Variants in MEGF6 observed in about 807,000 individuals in gnomAD.
MEGF6 encodes multiple EGF like domains 6.
Under a neutral mutation model 207.1 loss-of-function variants are expected in MEGF6, and 184 were observed. The observed-to-expected ratio is 0.89, with a 90% confidence interval of 0.79 to 1.00. The LOEUF is 1.00. Among genes scored for constraint, MEGF6 ranks in the 50% least tolerant of loss-of-function variants. The pLI, the probability that MEGF6 is intolerant of heterozygous loss-of-function variation, is 0.00. For missense variants in MEGF6, 2,282 were observed against 2,202.9 expected (o/e 1.04, Z -0.72); for synonymous variants, 1,038 against 910.0 (o/e 1.14, Z -2.53).
At chr1:3,578,477 G>C (rs1367248406) in intron 4 of MEGF6, among the ~76,000 whole-genome samples, 1 of 152,170 alleles carries the variant, frequency 6.6e-6, no homozygotes, top group Admixed American at 6.5e-5. Flanking sequence ...GGGACCACAG[G>C]GAGGCCTGGC....
intron 2 of MEGF6, among the ~76,000 whole-genome samples, chr1:3,600,444 C>A (rs754509366): frequency 6.6e-6 from 1 of 152,120 alleles, no homozygotes; most frequent in Non-Finnish European, 1.5e-5. Flanking sequence ...GGGTTAGGGA[C>A]GGGGACTCCT....
intron 35 of MEGF6, among the ~76,000 whole-genome samples, chr1:3,491,486 G>C (rs1006570960): frequency 6.6e-6 from 1 of 151,900 alleles, no homozygotes. Flanking sequence ...CCGCTCCACC[G>C]AGATGGGGGC....
chr1:3,544,201 C>G (rs183560694), intron 4 of MEGF6, among the ~76,000 whole-genome samples: 3 of 149,588 alleles, frequency 2.0e-5, no homozygotes, highest in Non-Finnish European at 4.4e-5. Context: ...CCTCTCCCCC[C>G]AGCGTCGCAG....
intron 3 of MEGF6, among the ~76,000 whole-genome samples, chr1:3,583,186 G>C (rs997108020): frequency 6.6e-6 from 1 of 152,122 alleles, no homozygotes; most frequent in South Asian, 2.1e-4. Context: ...GCAAAGCTGC[G>C]CTCCAAACCG....
intron 4 of MEGF6, among the ~76,000 whole-genome samples, chr1:3,552,792 C>T (rs1642926275): frequency 6.6e-6 from 1 of 152,204 alleles, no homozygotes; most frequent in Non-Finnish European, 1.5e-5. Context: ...TGTGCTCACC[C>T]ACCGGGCCCA....
chr1:3,491,627 A>T (rs537543777), intron 35 of MEGF6, among the ~76,000 whole-genome samples: 18 of 152,038 alleles, frequency 1.2e-4, no homozygotes, highest in African/African-American at 3.4e-4. Flanking sequence ...TGAAATCCCC[A>T]GTTAGCCAAA....
chr1:3,614,845 C>T (rs1369850611), upstream of MEGF6, among the ~76,000 whole-genome samples: 3 of 152,256 alleles, frequency 2.0e-5, no homozygotes, highest in African/African-American at 7.2e-5. Context: ...CAGCCCAGCT[C>T]CTTCCACTGA....
chr1:3,523,867 A>T (rs560928067), intron 5 of MEGF6, among the ~76,000 whole-genome samples: 20 of 152,326 alleles, frequency 1.3e-4, no homozygotes, highest in African/African-American at 4.8e-4. Flanking sequence ...AGCGGGGCTT[A>T]GTGTGGCTGC....
intron 4 of MEGF6, among the ~76,000 whole-genome samples, chr1:3,579,454 T>G (rs1643738455): frequency 6.6e-6 from 1 of 152,184 alleles, no homozygotes; most frequent in South Asian, 2.1e-4. Flanking sequence ...CTTTTAACAC[T>G]GAGGACAACG....
rs553934314 is a variant in MEGF6, at chr1:3,565,378, T to G, written c.481+14447A>C. ...TAGCTGGACCTTAAAACCCCCCGGGTCCTGGTGCCTGCTCTGGCCTCTCAA... is the reference window on the plus strand; with the variant it reads ...TAGCTGGACCTTAAAACCCCCCGGGGCCTGGTGCCTGCTCTGGCCTCTCAA... On this transcript the variant is annotated intron_variant, in intron 4 of 36. Coordinates refer to ENST00000356575, the MANE Select transcript of MEGF6 (RefSeq NM_001409.4). This position sits in a 1 kb window ranked among gnomAD's most constrained non-coding sequence, Gnocchi z 4.8. 4.1e-4 allele frequency among the ~76,000 whole-genome samples: 62 copies of G among 151,682 alleles called. No individual in the cohort carries two copies. In the South Asian group the frequency reaches 0.011, roughly 26 times the overall value.
intron 2 of MEGF6, 150 bp downstream of exon 2, chr1:3,602,316 C>T: frequency 8.3e-7 from 1 of 1,208,026 alleles, no homozygotes; most frequent in Non-Finnish European, 1.1e-6. Flanking sequence ...GTGGGAGAGG[C>T]CTCATGCTCA....
intron 4 of MEGF6, among the ~76,000 whole-genome samples, chr1:3,527,377 G>C (rs72853548): frequency 6.6e-6 from 1 of 152,188 alleles, no homozygotes; most frequent in African/African-American, 2.4e-5. Flanking sequence ...GAGATGACAC[G>C]AACAGCCCCA....
chr1:3,606,238 A>G (rs1417473478), intron 1 of MEGF6, among the ~76,000 whole-genome samples: 2 of 152,228 alleles, frequency 1.3e-5, no homozygotes, highest in Non-Finnish European at 2.9e-5. Context: ...GGGAACCTGC[A>G]GAAATGCACA....
At chr1:3,497,562 C>A in intron 26 of MEGF6, 1 of 743,922 alleles carries the variant, frequency 1.3e-6, no homozygotes, top group Non-Finnish European at 2.3e-6. Flanking sequence ...TGGCAGGGGC[C>A]TCCCCACCGG....
intron 4 of MEGF6, chr1:3,531,468 A>G (rs1238852331): frequency 8.3e-6 from 9 of 1,086,470 alleles, no homozygotes; most frequent in African/African-American, 1.7e-5. Flanking sequence ...TCCGCCCCGC[A>G]GGTAAAGGCC....
intron 4 of MEGF6, among the ~76,000 whole-genome samples, chr1:3,534,925 G>C (rs1192666026): frequency 6.6e-6 from 1 of 152,064 alleles, no homozygotes; most frequent in Non-Finnish European, 1.5e-5. Flanking sequence ...CATTCATCTG[G>C]ACTCCAAATC....
the MEGF6 span, among the ~76,000 whole-genome samples, chr1:3,624,002 G>C: frequency 5.5e-4 from 84 of 152,124 alleles, no homozygotes; most frequent in African/African-American, 1.8e-3. Flanking sequence ...TCTCATCCCG[G>C]CGATTCTAAA....
Position 3,611,357 on chromosome 1 carries a change from G to A in MEGF6, c.-89C>T. On this transcript the variant is annotated 5_prime_UTR_variant, in exon 1 of 37. Transcript: ENST00000356575. Reference sequence around the variant, plus strand: ...TCCGCCTCCACGTGCGCCATAGGACGCAGCCACAGGTGCCCGCGCCCGCTC... The same window carrying A: ...TCCGCCTCCACGTGCGCCATAGGACACAGCCACAGGTGCCCGCGCCCGCTC... 7.4e-7 allele frequency: 1 copy of A among 1,342,960 alleles called. No homozygotes were observed. The highest frequency in any genetic ancestry group is 9.5e-7 in the Non-Finnish European group (1 of 1,050,240). The allele number at this position is 1,342,960 out of a possible 1,614,324, so 83.2% of individuals were successfully genotyped here.
At chr1:3,567,394 T>C (rs1350473796) in intron 4 of MEGF6, among the ~76,000 whole-genome samples, 2 of 152,218 alleles carry the variant, frequency 1.3e-5, no homozygotes, top group African/African-American at 4.8e-5. Context: ...GTCTTGGGCA[T>C]AGCTCCCCAA....
Sources: allele counts gnomAD v4.1 joint callset (sites outside exome capture counted in the v4.1 genomes callset), GRCh38; gene constraint gnomAD v4.1.1; non-coding constraint Gnocchi (gnomAD v3.1); transcripts MANE v1.5; gene names NCBI Gene and HGNC (gene_info 2026-07-23, HGNC 2026-07-21).